Variants in SSH1 observed in about 807,000 individuals in gnomAD.
The protein encoded by SSH1 is protein phosphatase Slingshot homolog 1.
In SSH1, 43 loss-of-function variants were observed where a neutral mutation model predicts 79.7. That is an observed-to-expected ratio of 0.54 (90% CI 0.42 to 0.70). SSH1 has a LOEUF of 0.70. SSH1 is among the 30% of genes least tolerant of loss of function. The probability of loss-of-function intolerance (pLI) is 0.00; values close to 1 mark genes in which losing one functional copy is unlikely to be tolerated. For missense variants in SSH1, 1,206 were observed against 1,358.8 expected (o/e 0.89, Z 1.77); for synonymous variants, 599 against 538.3 (o/e 1.11, Z -1.56).
chr12:108,848,983 C>T (rs1294354349), intron 2 of SSH1, among the ~76,000 whole-genome samples: 1 of 152,184 alleles, frequency 6.6e-6, no homozygotes, highest in Non-Finnish European at 1.5e-5. Flanking sequence ...TGGACTTAGG[C>T]ATGCTCCCTC....
chr12:108,841,221 G>A (rs1459606447), intron 2 of SSH1, among the ~76,000 whole-genome samples: 2 of 152,184 alleles, frequency 1.3e-5, no homozygotes, highest in African/African-American at 4.8e-5. Context: ...GAAGATGAAC[G>A]CTGGTAACAC....
At chr12:108,826,739 C>A (rs1429408028) in intron 2 of SSH1, among the ~76,000 whole-genome samples, 1 of 152,134 alleles carries the variant, frequency 6.6e-6, no homozygotes, top group African/African-American at 2.4e-5. Context: ...GGCACAGGCT[C>A]CCGATTCATC....
intron 7 of SSH1, among the ~76,000 whole-genome samples, chr12:108,808,628 C>G (rs2037408056): frequency 6.6e-6 from 1 of 152,130 alleles, no homozygotes; most frequent in African/African-American, 2.4e-5. Context: ...ACAGAGACAT[C>G]TGCCTGCATT....
At chr12:108,827,223 G>A in intron 2 of SSH1, 1 of 1,518,962 alleles carries the variant, frequency 6.6e-7, no homozygotes, top group African/African-American at 1.4e-5. Context: ...CAGAAACCAA[G>A]CCATGGCAGG....
At chr12:108,822,865 A>G (rs1316290631) in intron 3 of SSH1, among the ~76,000 whole-genome samples, 3 of 152,222 alleles carry the variant, frequency 2.0e-5, no homozygotes, top group African/African-American at 7.2e-5. Flanking sequence ...ATGCTTGGAG[A>G]AATCCATCCC....
rs759631508 is a variant in SSH1, at chr12:108,844,298, G to T, written c.110+8340C>A. On this transcript the variant is annotated intron_variant, in intron 2 of 14. Transcript: ENST00000326495. Reference sequence around the variant, plus strand: ...AAAAAAAATAAGAATCAACATGGGCGGTTATTTTTAAGGCCAGCATGTTCA... The same window carrying T: ...AAAAAAAATAAGAATCAACATGGGCTGTTATTTTTAAGGCCAGCATGTTCA... Among the ~76,000 whole-genome samples, 3 of 152,068 alleles carry T rather than the reference G, an allele frequency of 2.0e-5. No individual in the cohort carries two copies. In the South Asian group the frequency reaches 6.2e-4, roughly 32 times the overall value.
At chr12:108,844,375 T>A (rs796194440) in intron 2 of SSH1, among the ~76,000 whole-genome samples, 10 of 152,298 alleles carry the variant, frequency 6.6e-5, no homozygotes, top group African/African-American at 2.4e-4. Context: ...AACAAGCATG[T>A]GGGTGCTGAG....
Position 108,857,343 on chromosome 12 carries a change from C to T in SSH1, c.69+85G>A. ...CCGAGGAGCCCGCGCAGCCGCCCCC[C>T]TGCCCCGCACGCGCGGCCCCAGCTC... On this transcript the variant is annotated intron_variant, in intron 1 of 14. Transcript: ENST00000326495. The surrounding 1 kb of genome is among the most constrained non-coding windows in gnomAD (Gnocchi z 4.7). The T allele has an allele frequency of 3.6e-6, 3 of 828,450 alleles. No individual in the cohort carries two copies. Among genetic ancestry groups the T allele is most frequent in the Non-Finnish European group, 4.4e-6 (3 of 687,194 alleles). 51.3% of individuals were successfully genotyped at this position (828,450 alleles called of 1,614,324 possible).
intron 10 of SSH1, among the ~76,000 whole-genome samples, chr12:108,803,066 G>A (rs199746898): frequency 7.1e-6 from 1 of 141,516 alleles, no homozygotes; most frequent in South Asian, 2.4e-4. Flanking sequence ...AAAATTTTAA[G>A]AGAGGAGGAT....
At chr12:108,794,941 T>C (rs1244557133) in intron 13 of SSH1, among the ~76,000 whole-genome samples, 1 of 152,184 alleles carries the variant, frequency 6.6e-6, no homozygotes, top group Non-Finnish European at 1.5e-5. Flanking sequence ...TATCTGATTG[T>C]TTCCTCTGCT....
intron 3 of SSH1, among the ~76,000 whole-genome samples, chr12:108,820,998 T>C (rs918867999): frequency 3.3e-5 from 5 of 152,232 alleles, no homozygotes; most frequent in African/African-American, 9.7e-5. Flanking sequence ...TGAGCAGAGC[T>C]TGAGCATTTG....
chr12:108,817,197 T>G, intron 4 of SSH1, 38 bp from the exon 5 acceptor site: 1 of 1,610,686 alleles, frequency 6.2e-7, no homozygotes. Flanking sequence ...AACCTGCCTT[T>G]GGAGGTGGTG....
intron 1 of SSH1, 28 bp from the exon 2 acceptor site, chr12:108,852,706 C>T: frequency 6.2e-7 from 1 of 1,613,962 alleles, no homozygotes; most frequent in Non-Finnish European, 8.5e-7. Context: ...GAATATCACA[C>T]CACAGGCACC....
At chr12:108,850,449 A>G (rs2039008626) in intron 2 of SSH1, among the ~76,000 whole-genome samples, 1 of 8,048 alleles carries the variant, frequency 1.2e-4, no homozygotes, top group Non-Finnish European at 2.2e-4. Context: ...TGGGAGAGGG[A>G]AGCTTGGGGA....
intron 12 of SSH1, 107 bp downstream of exon 12, chr12:108,800,673 T>TC: frequency 1.5e-6 from 2 of 1,370,108 alleles, no homozygotes; most frequent in Admixed American, 1.7e-5. Flanking sequence ...CCCGTTAGGA[T>TC]CCCCCCTCCC....
chr12:108,810,042 T>C lies in SSH1; in HGVS notation c.471-284A>G, dbSNP rs972421271. Reference sequence around the variant, plus strand: ...TGCCAGGTGAAGGCCTCCGAGAGCGTCTCTCTATGTTCCAACGTGGTTCCT... The same window carrying C: ...TGCCAGGTGAAGGCCTCCGAGAGCGCCTCTCTATGTTCCAACGTGGTTCCT... On this transcript the variant is annotated intron_variant, in intron 6 of 14. Transcript: ENST00000326495. 1.1e-4 allele frequency among the ~76,000 whole-genome samples: 17 copies of C among 151,966 alleles called. 1 individual carries two copies.
At chr12:108,854,870 C>T (rs908386286) in intron 1 of SSH1, among the ~76,000 whole-genome samples, 1 of 152,226 alleles carries the variant, frequency 6.6e-6, no homozygotes, top group Non-Finnish European at 1.5e-5. Flanking sequence ...CTCCTGACCC[C>T]ATACACACTT....
intron 10 of SSH1, among the ~76,000 whole-genome samples, chr12:108,803,937 C>T (rs1484763379): frequency 6.6e-6 from 1 of 152,312 alleles, no homozygotes; most frequent in Non-Finnish European, 1.5e-5. Flanking sequence ...TTACTTCCTA[C>T]AGAAAACAAA....
rs1262719652 is a variant in SSH1 at position 108,792,224 on chromosome 12, G to A, written c.1893+62C>T. 6.2e-6 allele frequency: 10 copies of A among 1,613,334 alleles called. No individual in the cohort carries two copies. The South Asian group carries it at 9.9e-5, about 16-fold the overall frequency. On this transcript the variant is annotated intron_variant, in intron 14 of 14. Coordinates refer to ENST00000326495, the MANE Select transcript of SSH1 (RefSeq NM_018984.4). ...AGTCCCTACTACAGAGGCTGAGGTA[G>A]GCCAATTAGAGTGGGATGGAAGGGA...
Sources: gnomAD v4.1 joint callset for allele counts (sites outside exome capture counted in the v4.1 genomes callset) on GRCh38, gnomAD v4.1.1 for gene constraint, Gnocchi (gnomAD v3.1) non-coding constraint, MANE v1.5 for transcripts, NCBI Gene and HGNC (gene_info 2026-07-23, HGNC 2026-07-21) for gene names.